UBE2R2: variants seen among roughly 807,000 people sequenced by gnomAD.
UBE2R2 encodes ubiquitin-conjugating enzyme E2 R2.
Under a neutral mutation model 27.8 loss-of-function variants are expected in UBE2R2, and 1 was observed. The observed-to-expected ratio is 0.04, with a 90% confidence interval of 0.01 to 0.17. The LOEUF (loss-of-function observed/expected upper bound fraction) is 0.17, where lower values mean the gene tolerates loss of function less well. Ranked by LOEUF, UBE2R2 falls within the 10% of genes least tolerant of loss-of-function variation. UBE2R2 has a pLI of 1.00. For missense variants in UBE2R2, 100 were observed against 291.0 expected (o/e 0.34, Z 4.78); for synonymous variants, 106 against 113.3 (o/e 0.94, Z 0.41).
At chr9:33,852,309 C>G (rs531837156) in intron 1 of UBE2R2, among the ~76,000 whole-genome samples, 2 of 152,276 alleles carry the variant, frequency 1.3e-5, no homozygotes, top group African/African-American at 4.8e-5. Flanking sequence ...GACCCCATCT[C>G]AGAAACAAAA....
intron 1 of UBE2R2, 58 bp from the exon 2 acceptor site, chr9:33,886,823 T>C: frequency 7.2e-7 from 1 of 1,397,342 alleles, no homozygotes; most frequent in Non-Finnish European, 9.7e-7. Context: ...GGTGAATTAT[T>C]AGGCAGATGA....
intron 1 of UBE2R2, among the ~76,000 whole-genome samples, chr9:33,857,107 G>C (rs1403055017): frequency 6.6e-6 from 1 of 151,618 alleles, no homozygotes; most frequent in Non-Finnish European, 1.5e-5. Flanking sequence ...GTGTTGGCAG[G>C]CTGGTCTCTA....
chr9:33,845,310 G>A (rs1411897253), intron 1 of UBE2R2, among the ~76,000 whole-genome samples: 2 of 150,030 alleles, frequency 1.3e-5, no homozygotes, highest in East Asian at 2.0e-4. Context: ...TCAGTGGCAC[G>A]ATCTTGGCTC....
chr9:33,902,597 T>C (rs193064125), intron 3 of UBE2R2, among the ~76,000 whole-genome samples: 171 of 152,332 alleles, frequency 1.1e-3, no homozygotes, highest in Middle Eastern at 3.4e-3. Context: ...AATTGCTAGA[T>C]GCCTGTATCG....
intron 1 of UBE2R2, among the ~76,000 whole-genome samples, chr9:33,866,602 T>C (rs924703997): frequency 6.6e-6 from 1 of 152,160 alleles, no homozygotes; most frequent in African/African-American, 2.4e-5. Context: ...AATATAGCAG[T>C]TGGTGGATTT....
chr9:33,907,967 T>C (rs1339233378), intron 3 of UBE2R2, among the ~76,000 whole-genome samples: 1 of 152,018 alleles, frequency 6.6e-6, no homozygotes, highest in Non-Finnish European at 1.5e-5. Flanking sequence ...TAGCTGGGAT[T>C]ATAGGTATGT....
intron 1 of UBE2R2, among the ~76,000 whole-genome samples, chr9:33,820,307 G>A (rs543332765): frequency 2.6e-4 from 40 of 152,254 alleles, no homozygotes; most frequent in African/African-American, 8.4e-4. Flanking sequence ...ATTTAATCTC[G>A]TGCTTTGTGA....
chr9:33,892,062 A>G (rs969438046), intron 2 of UBE2R2, among the ~76,000 whole-genome samples: 1 of 152,198 alleles, frequency 6.6e-6, no homozygotes, highest in Non-Finnish European at 1.5e-5. Flanking sequence ...GTATCAATGG[A>G]GAACTAGGAA....
intron 1 of UBE2R2, among the ~76,000 whole-genome samples, chr9:33,861,221 A>C (rs1821228696): frequency 1.3e-5 from 2 of 149,330 alleles, no homozygotes; most frequent in South Asian, 2.2e-4. Flanking sequence ...CGGCCTCCCA[A>C]AGTGCTGGGA....
intron 1 of UBE2R2, among the ~76,000 whole-genome samples, chr9:33,851,762 C>T (rs1820971999): frequency 6.6e-6 from 1 of 152,082 alleles, no homozygotes; most frequent in African/African-American, 2.4e-5. Flanking sequence ...TGCTATTGAA[C>T]TTCTAATTTA....
chr9:33,860,960 T>C (rs1219681421), intron 1 of UBE2R2, among the ~76,000 whole-genome samples: 1 of 148,516 alleles, frequency 6.7e-6, no homozygotes, highest in Non-Finnish European at 1.5e-5. Flanking sequence ...GTTTGTTTGT[T>C]TTTTGTTTTT....
chr9:33,844,450 C>T lies in UBE2R2; in HGVS notation c.177+26516C>T, dbSNP rs184236218. On this transcript the variant is annotated intron_variant, in intron 1 of 4. Coordinates refer to ENST00000263228, the MANE Select transcript of UBE2R2 (RefSeq NM_017811.4). ...AACTCCTGACTTCAGATGATCCGCC[C>T]GACTCAGCCTCCCAAAGTGCTGGGA... is the stretch of plus-strand genomic sequence containing the variant. Among the ~76,000 whole-genome samples, 79 of 151,578 alleles carry T rather than the reference C, an allele frequency of 5.2e-4. 1 individual carries two copies. The highest frequency in any genetic ancestry group is 1.6e-3 in the African/African-American group (68 of 41,302).
chr9:33,871,576 T>C (rs1821483793), intron 1 of UBE2R2, among the ~76,000 whole-genome samples: 1 of 152,216 alleles, frequency 6.6e-6, no homozygotes, highest in African/African-American at 2.4e-5. Context: ...TGCGATGGAC[T>C]AGAGGAAGTA....
intron 3 of UBE2R2, among the ~76,000 whole-genome samples, chr9:33,911,103 AAAAAC>A (rs952694168): frequency 5.2e-4 from 79 of 151,730 alleles, no homozygotes; most frequent in African/African-American, 1.8e-3. Context: ...GACCCTGTCA[AAAAAC>A]AAAACAAAAC....
At chr9:33,906,258 G>T (rs570053060) in intron 3 of UBE2R2, among the ~76,000 whole-genome samples, 2 of 152,270 alleles carry the variant, frequency 1.3e-5, no homozygotes, top group African/African-American at 4.8e-5. Flanking sequence ...AAGTACTTGG[G>T]ATTACAGGCA....
upstream of UBE2R2, among the ~76,000 whole-genome samples, chr9:33,815,981 G>A (rs992891541): frequency 6.6e-6 from 1 of 151,946 alleles, no homozygotes; most frequent in Admixed American, 6.6e-5. Flanking sequence ...GGCTGAGGTG[G>A]GAGAATCGCT....
At chr9:33,908,267 T>C (rs1345207235) in intron 3 of UBE2R2, among the ~76,000 whole-genome samples, 2 of 152,252 alleles carry the variant, frequency 1.3e-5, no homozygotes, top group Non-Finnish European at 2.9e-5. Flanking sequence ...GGTGTCCATC[T>C]AATCAAGAAT....
chr9:33,871,990 G>A (rs1417440537), intron 1 of UBE2R2, among the ~76,000 whole-genome samples: 6 of 152,110 alleles, frequency 3.9e-5, no homozygotes, highest in Non-Finnish European at 7.4e-5. Flanking sequence ...GGCATTACAG[G>A]TGTGAGCCAC....
At chr9:33,864,761 G>A (rs887332679) in intron 1 of UBE2R2, among the ~76,000 whole-genome samples, 3 of 127,390 alleles carry the variant, frequency 2.4e-5, no homozygotes, top group Non-Finnish European at 3.3e-5. Context: ...TTTCACTCTT[G>A]TTGCCCAGGC....
Sources: allele counts gnomAD v4.1 joint callset (sites outside exome capture counted in the v4.1 genomes callset), GRCh38; gene constraint gnomAD v4.1.1; transcripts MANE v1.5; gene names NCBI Gene and HGNC (gene_info 2026-07-23, HGNC 2026-07-21).